Variants in SYNJ2 observed in about 807,000 individuals in gnomAD.
The protein encoded by SYNJ2 is polyphosphatidylinositol phosphatase SYNJ2.
Under a neutral mutation model 141.3 loss-of-function variants are expected in SYNJ2, and 116 were observed. That is an observed-to-expected ratio of 0.82 (90% CI 0.71 to 0.96). The LOEUF is 0.96. Ranked by LOEUF, SYNJ2 falls within the 40% of genes least tolerant of loss-of-function variation. SYNJ2 has a pLI of 0.00. For synonymous variants in SYNJ2, 745 were observed against 777.7 expected (o/e 0.96, Z 0.70); for missense variants, 1,873 against 1,934.8 (o/e 0.97, Z 0.60).
chr6:158,059,267 C>T lies in SYNJ2; in HGVS notation c.868C>T (p.Leu290Phe). The T allele has an allele frequency of 1.3e-6, 2 of 1,549,494 alleles. No homozygotes were observed. Among genetic ancestry groups the T allele is most frequent in the Non-Finnish European group, 1.7e-6 (2 of 1,146,534 alleles). ...CCGCTGCCTTTGCAGGCACATGGTG[C>T]TTCTGAAGGAGCAGTACGGGCAGCA... ...NAPAFDRHMV[L>F]LKEQYGQQVV... Residue 290 changes from leucine (L) to phenylalanine (F), a missense_variant, in exon 7 of 27, where the codon CTT (leucine) becomes TTT (phenylalanine). Leu to Phe is a conservative substitution (Grantham distance 22). Coordinates refer to ENST00000355585, the MANE Select transcript of SYNJ2 (RefSeq NM_003898.4).
chr6:158,045,879 C>G (rs1190378597), intron 5 of SYNJ2, among the ~76,000 whole-genome samples: 2 of 152,174 alleles, frequency 1.3e-5, no homozygotes, highest in Non-Finnish European at 2.9e-5. Context: ...GCAGCTGTTT[C>G]ACCCTCTTAA....
chr6:158,093,054 C>T lies in SYNJ2; in HGVS notation c.3694C>T (p.Pro1232Ser), dbSNP rs1783570744. 1.2e-6 allele frequency: 2 copies of T among 1,608,918 alleles called. No individual in the cohort carries two copies. The highest frequency in any genetic ancestry group is 4.5e-5 in the East Asian group (2 of 44,814). ...QAPPLLPRRP[P>S]PRVPAIKKPT... ...GCCCCCACTCCTTCCCCGTCGGCCC[C>T]CACCCAGAGTTCCTGCCATCAAGAA... The change falls in exon 26 of 27, where the codon CCA (proline) becomes TCA (serine). Residue 1232 changes from proline to serine, a missense_variant. By Grantham distance (74) the Pro-to-Ser change is moderately conservative. Transcript: ENST00000355585.
At chr6:158,002,341 A>C (rs1189503284) in intron 1 of SYNJ2, 1 of 152,300 alleles carries the variant, frequency 6.6e-6, no homozygotes, top group African/African-American at 2.4e-5. Context: ...GGGTCGCACC[A>C]CATGGCTTCT....
intron 1 of SYNJ2, among the ~76,000 whole-genome samples, chr6:158,000,721 G>A (rs75692925): frequency 4.6e-5 from 7 of 151,308 alleles, no homozygotes; most frequent in Non-Finnish European, 8.8e-5. Flanking sequence ...TGACCTACCC[G>A]CACCGCACTG....
intron 2 of SYNJ2, among the ~76,000 whole-genome samples, chr6:158,026,063 T>C (rs1261279389): frequency 2.0e-5 from 3 of 152,232 alleles, no homozygotes; most frequent in Non-Finnish European, 4.4e-5. Context: ...ACTTTGGGGC[T>C]AGATGGAGCA....
chr6:157,989,524 T>A (rs75376703), intron 1 of SYNJ2, among the ~76,000 whole-genome samples: 96 of 148,830 alleles, frequency 6.5e-4, no homozygotes, highest in Non-Finnish European at 9.2e-4. Context: ...TCATCTGACA[T>A]ACACTTTTGA....
intron 6 of SYNJ2, among the ~76,000 whole-genome samples, chr6:158,057,248 T>C (rs1780922983): frequency 6.6e-6 from 1 of 152,222 alleles, no homozygotes; most frequent in African/African-American, 2.4e-5. Context: ...AAGGCCTCAA[T>C]GCTCAGGGTG....
At position 158,067,390 on chromosome 6, in the gene SYNJ2, C is replaced by T. The variant is rs1051063785; in HGVS notation, c.1717+755C>T. 3.1e-6 allele frequency: 3 copies of T among 972,774 alleles called. No individual in the cohort carries two copies. In the African/African-American group the frequency reaches 5.3e-5, roughly 17 times the overall value. 60.3% of individuals were successfully genotyped at this position (972,774 alleles called of 1,614,324 possible). A position where few individuals can be genotyped will look rare whatever the true frequency, so the allele number is the denominator to read the frequency against. ...TCCCCAAACCAACTCTATTAATCTG[C>T]TTTAAGTAGTCACAAAATAATTCAT... is the stretch of plus-strand genomic sequence containing the variant. On this transcript the variant is annotated intron_variant, in intron 12 of 26. Coordinates refer to ENST00000355585, the MANE Select transcript of SYNJ2 (RefSeq NM_003898.4).
At chr6:158,055,134 C>A in intron 6 of SYNJ2, 106 bp downstream of exon 6, 1 of 1,181,386 alleles carries the variant, frequency 8.5e-7, no homozygotes, top group Non-Finnish European at 1.2e-6. Context: ...GGACCCTGAA[C>A]CCTGAATCTA....
chr6:158,008,080 A>G (rs1778138480), intron 1 of SYNJ2, among the ~76,000 whole-genome samples: 1 of 152,066 alleles, frequency 6.6e-6, no homozygotes, highest in African/African-American at 2.4e-5. Flanking sequence ...GGAGGGAGAT[A>G]CCATGCCTAG....
At chr6:158,053,779 A>C (rs1780703066) in intron 5 of SYNJ2, among the ~76,000 whole-genome samples, 1 of 147,508 alleles carries the variant, frequency 6.8e-6, no homozygotes, top group Non-Finnish European at 1.5e-5. Flanking sequence ...CCATCCACCC[A>C]CCCACTCACC....
rs780968223 is a variant in SYNJ2, at chr6:158,086,970, G to A, written c.3324G>A (p.Pro1108=). 13 of 1,587,352 alleles carry A rather than the reference G, an allele frequency of 8.2e-6. No homozygotes were observed. Among genetic ancestry groups the A allele is most frequent in the South Asian group, 3.3e-5 (3 of 89,980 alleles). ...ACCGGCCTCGGCCACCTCAACCCCCGCAGAGACCCCCCCCTCCAAGTAAGA... is the reference window on the plus strand; with the variant it reads ...ACCGGCCTCGGCCACCTCAACCCCCACAGAGACCCCCCCCTCCAAGTAAGA... The part of the protein sequence containing the change: ...VPNRPRPPQP[P]QRPPPPTGLM... The change falls in exon 23 of 27, where the codon CCG becomes CCA. Residue 1108 remains proline (P), a synonymous_variant. Coordinates refer to ENST00000355585, the MANE Select transcript of SYNJ2 (RefSeq NM_003898.4).
intron 24 of SYNJ2, among the ~76,000 whole-genome samples, chr6:158,089,385 C>T (rs945997293): frequency 1.3e-5 from 2 of 151,938 alleles, no homozygotes; most frequent in Non-Finnish European, 2.9e-5. Flanking sequence ...GCTTGTGCGG[C>T]CCCAGCAGGT....
rs534099893 is a variant in SYNJ2 at position 158,084,381 on chromosome 6, A to AT, written c.3208+214dup. On this transcript the variant is annotated intron_variant, in intron 22 of 26. Transcript: ENST00000355585. This position sits in a 1 kb window ranked among gnomAD's most constrained non-coding sequence, Gnocchi z 5.0. ...CACCCTGATTTCCTCTAGTTAGTTT[A>AT]TTTTTTTACAATAACTTGTACCCCC... Among the ~76,000 whole-genome samples the AT allele has an allele frequency of 3.2e-4, 48 of 152,024 alleles. No homozygotes were observed. The South Asian group carries it at 9.6e-3, about 30-fold the overall frequency.
At chr6:158,025,572 A>G (rs1778998326) in intron 2 of SYNJ2, among the ~76,000 whole-genome samples, 2 of 152,152 alleles carry the variant, frequency 1.3e-5, no homozygotes, top group Non-Finnish European at 2.9e-5. Context: ...AGGCAAGAGA[A>G]TTACTTGAAC....
At chr6:158,039,669 G>A (rs368935966) in intron 4 of SYNJ2, among the ~76,000 whole-genome samples, 4 of 152,124 alleles carry the variant, frequency 2.6e-5, no homozygotes, top group Admixed American at 6.5e-5. Context: ...GTAGACAGTC[G>A]GGTAAACTCA....
Position 158,017,879 on chromosome 6 carries a change from G to A in SYNJ2, c.214+589G>A, listed in dbSNP as rs967510893. On this transcript the variant is annotated intron_variant, in intron 2 of 26. Coordinates refer to ENST00000355585, the MANE Select transcript of SYNJ2 (RefSeq NM_003898.4). ...CCCCCACCCTGTGCCAGAGAAGCTCGTCTTCATTGCTTGCCGGCGAGGGCC... is the reference window on the plus strand; with the variant it reads ...CCCCCACCCTGTGCCAGAGAAGCTCATCTTCATTGCTTGCCGGCGAGGGCC... 21 of 460,360 alleles carry A rather than the reference G, an allele frequency of 4.6e-5. No homozygotes were observed. In the East Asian group the frequency reaches 5.9e-4, roughly 13 times the overall value. The allele number at this position is 460,360 out of a possible 1,614,324, so 28.5% of individuals were successfully genotyped here.
At chr6:158,047,799 A>AAAAAAAC in intron 5 of SYNJ2, among the ~76,000 whole-genome samples, 1 of 149,806 alleles carries the variant, frequency 6.7e-6, no homozygotes, top group African/African-American at 2.5e-5. Context: ...AAAAAAAAAA[A>AAAAAAAC]AAAAAACACA....
At chr6:158,088,825 G>A in intron 24 of SYNJ2, 53 bp downstream of exon 24, 1 of 1,270,078 alleles carries the variant, frequency 7.9e-7, no homozygotes, top group South Asian at 1.2e-5. Context: ...CCGGGATAGT[G>A]TGGGATCTCT....
Sources: gnomAD v4.1 joint callset for allele counts (sites outside exome capture counted in the v4.1 genomes callset) on GRCh38, gnomAD v4.1.1 for gene constraint, Gnocchi (gnomAD v3.1) non-coding constraint, MANE v1.5 for transcripts, NCBI Gene and HGNC (gene_info 2026-07-23, HGNC 2026-07-21) for gene names.